TBC1D14: variants seen among roughly 807,000 people sequenced by gnomAD.
The protein encoded by TBC1D14 is TBC1 domain family, member 14.
Under a neutral mutation model 79.0 loss-of-function variants are expected in TBC1D14, and 26 were observed. That is an observed-to-expected ratio of 0.33 (90% CI 0.24 to 0.46). TBC1D14 has a LOEUF of 0.46. Ranked by LOEUF, TBC1D14 falls within the 20% of genes least tolerant of loss-of-function variation. The pLI is 1.00. For synonymous variants in TBC1D14, 394 were observed against 349.9 expected (o/e 1.13, Z -1.40); for missense variants, 769 against 887.6 (o/e 0.87, Z 1.70).
intron 2 of TBC1D14, among the ~76,000 whole-genome samples, chr4:6,964,414 T>A (rs529101672): frequency 6.6e-6 from 1 of 152,306 alleles, no homozygotes; most frequent in East Asian, 1.9e-4. Context: ...TGCCTTCCCC[T>A]TCCTGACTGC....
At chr4:6,924,904 G>A (rs1453725482) in intron 2 of TBC1D14, among the ~76,000 whole-genome samples, 2 of 152,144 alleles carry the variant, frequency 1.3e-5, no homozygotes, top group African/African-American at 4.8e-5. Flanking sequence ...TGGGGGTGGT[G>A]GGAGTGGACA....
In TBC1D14 at chr4:6,980,295, A is replaced by C. The variant is rs61643413; in HGVS notation, c.843+12871A>C. On this transcript the variant is annotated intron_variant, in intron 3 of 13. Coordinates refer to ENST00000409757, the MANE Select transcript of TBC1D14 (RefSeq NM_020773.3). ...CATTAAACAAGTAGCATACTTCTAA[A>C]TCATGGGCCCATGAGGAAGTCACAA... 3.5e-3 allele frequency among the ~76,000 whole-genome samples: 528 copies of C among 152,348 alleles called. 7 individuals carry two copies. The highest frequency in any genetic ancestry group is 0.012 in the African/African-American group (489 of 41,580).
chr4:6,989,346 A>G (rs1282384767), intron 3 of TBC1D14, among the ~76,000 whole-genome samples: 6 of 152,068 alleles, frequency 3.9e-5, no homozygotes, highest in East Asian at 1.9e-4. Context: ...GAGCAAAACA[A>G]CTTTGACTCT....
intron 3 of TBC1D14, among the ~76,000 whole-genome samples, chr4:6,988,136 C>T (rs148264704): frequency 5.8e-4 from 89 of 152,324 alleles, no homozygotes; most frequent in South Asian, 1.7e-3. Flanking sequence ...AATGGCAAAA[C>T]AGCCCCTCCC....
intron 7 of TBC1D14, among the ~76,000 whole-genome samples, chr4:7,003,972 C>T (rs922490952): frequency 6.6e-6 from 1 of 152,044 alleles, no homozygotes; most frequent in South Asian, 2.1e-4. Context: ...CGCCACTGCA[C>T]TCTCCAGCCT....
intron 2 of TBC1D14, among the ~76,000 whole-genome samples, chr4:6,950,567 C>A (rs1713942276): frequency 1.8e-5 from 2 of 110,218 alleles, no homozygotes. Context: ...ATACCTTACT[C>A]TTTATTAGAT....
intron 11 of TBC1D14, among the ~76,000 whole-genome samples, chr4:7,013,110 A>G (rs568514931): frequency 2.6e-5 from 4 of 152,330 alleles, no homozygotes; most frequent in South Asian, 2.1e-4. Context: ...AGGAGAAACC[A>G]TAGAGTCATA....
intron 1 of TBC1D14, among the ~76,000 whole-genome samples, chr4:6,915,995 G>A (rs1028083110): frequency 6.6e-6 from 1 of 151,942 alleles, no homozygotes; most frequent in Non-Finnish European, 1.5e-5. Flanking sequence ...ACGTGGTGGC[G>A]GGCGCCTGTA....
At position 7,001,254 on chromosome 4, in the gene TBC1D14, G is replaced by A. The variant is rs1371643994; in HGVS notation, c.1270+3G>A. 2.5e-6 allele frequency: 4 copies of A among 1,612,832 alleles called. No homozygotes were observed. The African/African-American group carries it at 5.3e-5, about 22-fold the overall frequency. ...CAACGAGTTAAATATCACCCACGGTGAGTGGCCTGCATGATCCTGGGGAGT... is the reference window on the plus strand; with the variant it reads ...CAACGAGTTAAATATCACCCACGGTAAGTGGCCTGCATGATCCTGGGGAGT... On this transcript the variant is annotated splice_donor_region_variant and intron_variant, in intron 7 of 13. Coordinates refer to ENST00000409757, the MANE Select transcript of TBC1D14 (RefSeq NM_020773.3).
At chr4:6,962,813 G>T (rs66978412) in intron 2 of TBC1D14, among the ~76,000 whole-genome samples, 2 of 151,990 alleles carry the variant, frequency 1.3e-5, no homozygotes, top group East Asian at 3.8e-4. Flanking sequence ...GCCTTGATTC[G>T]TCTGGGTTGC....
At chr4:6,989,648 AT>A (rs1183723474) in intron 3 of TBC1D14, among the ~76,000 whole-genome samples, 8 of 152,024 alleles carry the variant, frequency 5.3e-5, no homozygotes, top group African/African-American at 1.9e-4. Context: ...TGGGTTGGAG[AT>A]TGAGGATCTC....
intron 11 of TBC1D14, among the ~76,000 whole-genome samples, chr4:7,013,720 A>C (rs1577172184): frequency 6.8e-6 from 1 of 146,324 alleles, no homozygotes; most frequent in South Asian, 2.1e-4. Context: ...GGGTTGGACG[A>C]GGCATGCCTG....
At chr4:6,983,610 T>G (rs1457177510) in intron 3 of TBC1D14, among the ~76,000 whole-genome samples, 1 of 152,170 alleles carries the variant, frequency 6.6e-6, no homozygotes, top group East Asian at 1.9e-4. Context: ...AAATGTCTAA[T>G]CCCCATTTGT....
chr4:6,985,438 G>A (rs550296109), intron 3 of TBC1D14, among the ~76,000 whole-genome samples: 4 of 152,072 alleles, frequency 2.6e-5, no homozygotes, highest in East Asian at 1.9e-4. Context: ...TTTATTTTAC[G>A]CCTTGAGGAG....
chr4:7,019,618 T>G (rs1246748098), intron 12 of TBC1D14, among the ~76,000 whole-genome samples: 1 of 152,242 alleles, frequency 6.6e-6, no homozygotes, highest in Non-Finnish European at 1.5e-5. Context: ...GAGCCTGCAT[T>G]CTCATGCGGT....
chr4:7,015,226 C>G (rs558732213), intron 12 of TBC1D14, among the ~76,000 whole-genome samples: 1 of 151,132 alleles, frequency 6.6e-6, no homozygotes, highest in South Asian at 2.1e-4. Flanking sequence ...GATCCAGCGG[C>G]GAGTTTTAAG....
At chr4:6,971,471 A>G (rs1041166357) in intron 3 of TBC1D14, among the ~76,000 whole-genome samples, 7 of 152,326 alleles carry the variant, frequency 4.6e-5, no homozygotes, top group Middle Eastern at 3.4e-3. Flanking sequence ...TGGGCCTTAT[A>G]TATTACTATT....
chr4:7,010,361 C>G (rs532593793), intron 10 of TBC1D14, among the ~76,000 whole-genome samples: 2 of 151,410 alleles, frequency 1.3e-5, no homozygotes, highest in African/African-American at 4.8e-5. Flanking sequence ...GGACACTGGA[C>G]ATAGGAAAGA....
intron 1 of TBC1D14, among the ~76,000 whole-genome samples, chr4:6,919,757 A>T (rs1353586166): frequency 6.6e-6 from 1 of 151,928 alleles, no homozygotes; most frequent in Non-Finnish European, 1.5e-5. Flanking sequence ...AGTAGCTAGG[A>T]TTACAGGCGT....
Sources: allele counts gnomAD v4.1 joint callset (sites outside exome capture counted in the v4.1 genomes callset), GRCh38; gene constraint gnomAD v4.1.1; transcripts MANE v1.5; gene names NCBI Gene and HGNC (gene_info 2026-07-23, HGNC 2026-07-21).